Variants in MACROD2 observed in about 807,000 individuals in gnomAD.
The protein encoded by MACROD2 is mono-ADP ribosylhydrolase 2, also known as ADP-ribose glycohydrolase MACROD2.
A neutral mutation model predicts 70.4 loss-of-function variants in MACROD2; 36 were observed. The ratio of observed to expected loss-of-function variants is 0.51; its 90% CI spans 0.39 to 0.68. MACROD2 has a LOEUF of 0.68. Among genes scored for constraint, MACROD2 ranks in the 30% least tolerant of loss-of-function variants. The pLI is 0.00. For missense variants in MACROD2, 496 were observed against 538.4 expected, an observed-to-expected ratio of 0.92 and a Z score of 0.78; for synonymous variants, 172 against 178.8, an observed-to-expected ratio of 0.96 and a Z score of 0.30.
intron 5 of MACROD2, among the ~76,000 whole-genome samples, chr20:14,926,968 G>T (rs1208460145): frequency 6.6e-6 from 1 of 152,126 alleles, no homozygotes; most frequent in Non-Finnish European, 1.5e-5. Flanking sequence ...GTGAATGTGG[G>T]TTTTAACTAA....
chr20:14,878,929 A>G (rs879821647), intron 5 of MACROD2, among the ~76,000 whole-genome samples: 5 of 151,940 alleles, frequency 3.3e-5, no homozygotes, highest in Admixed American at 3.3e-4. Flanking sequence ...TGGAGTACCT[A>G]TTCTTTCCAT....
At chr20:16,041,400 A>T in intron 16 of MACROD2, 122 bp downstream of exon 16, 2 of 753,714 alleles carry the variant, frequency 2.7e-6, no homozygotes, top group Non-Finnish European at 4.1e-6. Context: ...AACACAGTAA[A>T]TTTCAAAAAC....
intron 5 of MACROD2, among the ~76,000 whole-genome samples, chr20:14,798,428 T>C (rs1464605941): frequency 6.6e-6 from 1 of 152,114 alleles, no homozygotes; most frequent in African/African-American, 2.4e-5. Flanking sequence ...CTTTTCTATT[T>C]GTAGCTGAAG....
intron 10 of MACROD2, among the ~76,000 whole-genome samples, chr20:15,907,759 T>A (rs558457035): frequency 5.7e-4 from 87 of 152,288 alleles, no homozygotes; most frequent in African/African-American, 2.0e-3. Context: ...ATAACTGCCA[T>A]CTGTTCCTGT....
At chr20:14,080,287 C>T (rs997989991) in intron 2 of MACROD2, among the ~76,000 whole-genome samples, 1 of 151,308 alleles carries the variant, frequency 6.6e-6, no homozygotes, top group Admixed American at 6.6e-5. Context: ...ACTAAAAATA[C>T]AAAAAATTAG....
chr20:15,744,535 C>A (rs960072023), intron 8 of MACROD2, among the ~76,000 whole-genome samples: 13 of 151,958 alleles, frequency 8.6e-5, no homozygotes, highest in Non-Finnish European at 4.4e-5. Context: ...TTAAATGAGC[C>A]CTGTCAAATT....
chr20:14,528,406 G>A (rs1044357579), intron 4 of MACROD2, among the ~76,000 whole-genome samples: 4 of 150,108 alleles, frequency 2.7e-5, no homozygotes, highest in African/African-American at 4.9e-5. Flanking sequence ...CACCCGCCTC[G>A]GCCTCCCAAA....
At chr20:14,870,211 C>G (rs1292728569) in intron 5 of MACROD2, among the ~76,000 whole-genome samples, 1 of 152,116 alleles carries the variant, frequency 6.6e-6, no homozygotes, top group African/African-American at 2.4e-5. Context: ...TATTTATTTT[C>G]TGTTCCTGTG....
intron 2 of MACROD2, among the ~76,000 whole-genome samples, chr20:14,055,099 C>T (rs1440896841): frequency 6.6e-6 from 1 of 152,114 alleles, no homozygotes; most frequent in Non-Finnish European, 1.5e-5. Flanking sequence ...TGGACTTACT[C>T]ATCTACTATG....
At chr20:15,573,151 C>G (rs983526320) in intron 8 of MACROD2, among the ~76,000 whole-genome samples, 4 of 152,150 alleles carry the variant, frequency 2.6e-5, no homozygotes, top group Non-Finnish European at 5.9e-5. Context: ...TCATTCCAGT[C>G]TCACTCATGT....
At chr20:14,648,868 C>A (rs911454988) in intron 4 of MACROD2, among the ~76,000 whole-genome samples, 3 of 152,114 alleles carry the variant, frequency 2.0e-5, no homozygotes, top group Admixed American at 2.0e-4. Context: ...TTCACCTATG[C>A]CAGTTAATCT....
chr20:14,321,021 A>T (rs1056903159), intron 3 of MACROD2, among the ~76,000 whole-genome samples: 1 of 152,076 alleles, frequency 6.6e-6, no homozygotes, highest in Non-Finnish European at 1.5e-5. Context: ...GTTTATGCCT[A>T]ATAATTGGTA....
chr20:14,438,465 T>G (rs902871742), intron 3 of MACROD2, among the ~76,000 whole-genome samples: 2 of 152,212 alleles, frequency 1.3e-5, no homozygotes, highest in African/African-American at 4.8e-5. Flanking sequence ...AGTTTTGTCT[T>G]TAATTTTTTG....
intron 8 of MACROD2, among the ~76,000 whole-genome samples, chr20:15,704,480 G>A (rs2050504737): frequency 6.6e-6 from 1 of 152,160 alleles, no homozygotes; most frequent in African/African-American, 2.4e-5. Flanking sequence ...TATAGTATGA[G>A]TAATATTAAT....
chr20:14,160,393 C>T (rs954464481), intron 3 of MACROD2, among the ~76,000 whole-genome samples: 1 of 152,164 alleles, frequency 6.6e-6, no homozygotes, highest in African/African-American at 2.4e-5. Context: ...CTGACTCAAT[C>T]TCATTATCTG....
At position 15,740,121 on chromosome 20, in the gene MACROD2, G is replaced by A. The variant is rs114597438; in HGVS notation, c.646-122624G>A. On this transcript the variant is annotated intron_variant, in intron 8 of 17. Coordinates refer to ENST00000684519, the MANE Select transcript of MACROD2 (RefSeq NM_001351661.2). ...GGGGTCTCAGGCGCTATGACCAGCT[G>A]TCAGACAAGGAAAGAAAGAAAATGT... is the stretch of plus-strand genomic sequence containing the variant. 3.3e-3 allele frequency among the ~76,000 whole-genome samples: 499 copies of A among 152,312 alleles called. 4 individuals carry two copies. The highest frequency in any genetic ancestry group is 0.01 in the African/African-American group (430 of 41,554).
At chr20:15,539,658 T>C (rs2047927546) in intron 8 of MACROD2, among the ~76,000 whole-genome samples, 1 of 152,182 alleles carries the variant, frequency 6.6e-6, no homozygotes, top group Non-Finnish European at 1.5e-5. Flanking sequence ...AGAAAAAAAT[T>C]TTGACTTCAC....
chr20:14,167,901 G>A (rs12480549), intron 3 of MACROD2, among the ~76,000 whole-genome samples: 32,183 of 151,964 alleles, frequency 0.21, 3,509 homozygotes, highest in South Asian at 0.28. Flanking sequence ...GTATAGTACT[G>A]TATAAAGCGT....
chr20:14,166,333 G>A (rs559837601), intron 3 of MACROD2, among the ~76,000 whole-genome samples: 2 of 152,076 alleles, frequency 1.3e-5, no homozygotes, highest in South Asian at 2.1e-4. Context: ...GTGTGTATGT[G>A]TGTGTGTGTG....
Sources: gnomAD v4.1 joint callset for allele counts (sites outside exome capture counted in the v4.1 genomes callset) on GRCh38, gnomAD v4.1.1 for gene constraint, MANE v1.5 for transcripts, NCBI Gene and HGNC (gene_info 2026-07-23, HGNC 2026-07-21) for gene names.